The following HDAC4 variants were observed in gnomAD, a reference collection of about 807,000 sequenced individuals.
HDAC4 encodes the protein histone deacetylase A.
A neutral mutation model predicts 135.1 loss-of-function variants in HDAC4; 16 were observed. The ratio of observed to expected loss-of-function variants is 0.12; its 90% CI spans 0.08 to 0.18. The LOEUF (loss-of-function observed/expected upper bound fraction) is 0.18, where lower values mean the gene tolerates loss of function less well. HDAC4 is among the 10% of genes least tolerant of loss of function. HDAC4 has a pLI of 1.00. For missense variants in HDAC4, 1,143 were observed against 1,511.8 expected (o/e 0.76, Z 4.05); for synonymous variants, 685 against 653.4 (o/e 1.05, Z -0.74).
chr2:239,049,490 T>C lies in HDAC4; in HGVS notation c.*3607A>G, dbSNP rs1172132554. 6.6e-6 allele frequency: 1 copy of C among 151,842 alleles called. No homozygotes were observed. Among genetic ancestry groups the C allele is most frequent in the African/African-American group, 2.4e-5 (1 of 41,392 alleles). 9.4% of individuals were successfully genotyped at this position (151,842 alleles called of 1,614,324 possible). On this transcript the variant is annotated 3_prime_UTR_variant, in exon 27 of 27. Transcript: ENST00000543185. The stretch of plus-strand genomic sequence containing the variant: ...ATATATATTTATATCTATATATTTA[T>C]ATATGTATCAATGCCCATAAAACAC...
At chr2:239,168,242 G>A (rs1280415603) in intron 5 of HDAC4, among the ~76,000 whole-genome samples, 3 of 152,196 alleles carry the variant, frequency 2.0e-5, no homozygotes, top group Non-Finnish European at 4.4e-5. Flanking sequence ...GCAGGGCTGC[G>A]CGTGTGGACC....
intron 12 of HDAC4, among the ~76,000 whole-genome samples, chr2:239,126,007 G>A (rs775540803): frequency 1.3e-5 from 2 of 152,226 alleles, no homozygotes; most frequent in Admixed American, 1.3e-4. Flanking sequence ...CCTGGGAGAT[G>A]GGCACTGTGG....
chr2:239,128,921 G>T (rs546161674), intron 11 of HDAC4, among the ~76,000 whole-genome samples: 1 of 152,184 alleles, frequency 6.6e-6, no homozygotes, highest in East Asian at 1.9e-4. Context: ...GCTACACAGC[G>T]CTCCCAGGCT....
intron 2 of HDAC4, among the ~76,000 whole-genome samples, chr2:239,314,957 T>C (rs1408037337): frequency 6.6e-6 from 1 of 152,180 alleles, no homozygotes; most frequent in East Asian, 1.9e-4. Flanking sequence ...TTGGAATTGC[T>C]GATAGAACAG....
At chr2:239,321,987 G>A (rs2898824) in intron 2 of HDAC4, among the ~76,000 whole-genome samples, 83,611 of 152,116 alleles carry the variant, frequency 0.55, 23,349 homozygotes, top group African/African-American at 0.64. Flanking sequence ...TGTTTAAGCG[G>A]AAGTACACTC....
rs1448868842 is a variant in HDAC4 at position 239,245,148 on chromosome 2, G to C, written c.23-8484C>G. Among the ~76,000 whole-genome samples the C allele has an allele frequency of 2.6e-5, 4 of 152,162 alleles. No homozygotes were observed. Among genetic ancestry groups the C allele is most frequent in the African/African-American group, 9.7e-5 (4 of 41,440 alleles). On this transcript the variant is annotated intron_variant, in intron 2 of 26. Transcript: ENST00000543185. This position sits in a 1 kb window ranked among gnomAD's most constrained non-coding sequence, Gnocchi z 4.4. ...TCCCTAAGCAATATTTTTCCTTCAG[G>C]GTAATCAGGCAGTCTTAAAATGTCA...
rs547834188 is a variant in HDAC4, at chr2:239,276,220, A to G, written c.23-39556T>C. ...GTTAGAGCAGCTGCACCAGTCTTACAGAGGCAGGGAGAGGCCCCGAACCAG... is the reference window on the plus strand; with the variant it reads ...GTTAGAGCAGCTGCACCAGTCTTACGGAGGCAGGGAGAGGCCCCGAACCAG... On this transcript the variant is annotated intron_variant, in intron 2 of 26. Coordinates refer to ENST00000543185, the MANE Select transcript of HDAC4 (RefSeq NM_001378414.1). Among the ~76,000 whole-genome samples, 14 of 152,368 alleles carry G rather than the reference A, an allele frequency of 9.2e-5. No homozygotes were observed. In the South Asian group the frequency reaches 2.9e-3, roughly 32 times the overall value.
intron 2 of HDAC4, among the ~76,000 whole-genome samples, chr2:239,278,108 G>A (rs1340954177): frequency 7.3e-6 from 1 of 137,508 alleles, no homozygotes; most frequent in Non-Finnish European, 1.6e-5. Context: ...GGCTCAGGGT[G>A]TCTTGAGAAA....
At chr2:239,193,903 T>C (rs894869127) in intron 3 of HDAC4, among the ~76,000 whole-genome samples, 1 of 152,236 alleles carries the variant, frequency 6.6e-6, no homozygotes, top group East Asian at 1.9e-4. Context: ...GACACTAACA[T>C]GATCTTGATG....
rs1386393854 is a variant in HDAC4 at position 239,363,418 on chromosome 2, G to A, written c.-219-10500C>T. On this transcript the variant is annotated intron_variant, in intron 1 of 26. Transcript: ENST00000543185. ...AACTTGTGTAATTAAAGTAAACCAA[G>A]GAGAATATGCTAGAATGAGACCAAC... Among the ~76,000 whole-genome samples the A allele has an allele frequency of 3.9e-5, 6 of 152,330 alleles. No individual in the cohort carries two copies. The East Asian group carries it at 1.2e-3, about 29-fold the overall frequency.
At chr2:239,163,281 G>C (rs1263532474) in intron 6 of HDAC4, among the ~76,000 whole-genome samples, 2 of 152,218 alleles carry the variant, frequency 1.3e-5, no homozygotes, top group African/African-American at 2.4e-5. Flanking sequence ...TCGGAGCACA[G>C]AGGATTCAGA....
rs1035861583 is a variant in HDAC4, at chr2:239,331,569, C to T, written c.22+21109G>A. Among the ~76,000 whole-genome samples, 6 of 152,082 alleles carry T rather than the reference C, an allele frequency of 3.9e-5. No individual in the cohort carries two copies. Among genetic ancestry groups the T allele is most frequent in the Non-Finnish European group, 8.8e-5 (6 of 68,028 alleles). On this transcript the variant is annotated intron_variant, in intron 2 of 26. Coordinates refer to ENST00000543185, the MANE Select transcript of HDAC4 (RefSeq NM_001378414.1). This position sits in a 1 kb window ranked among gnomAD's most constrained non-coding sequence, Gnocchi z 4.5. Reference sequence around the variant, plus strand: ...TAAGCCGCCCAGATAGTGAGTTCTACGGGGGAAGCCTTCAGGAAGCACACA... The same window carrying T: ...TAAGCCGCCCAGATAGTGAGTTCTATGGGGGAAGCCTTCAGGAAGCACACA...
intron 3 of HDAC4, among the ~76,000 whole-genome samples, chr2:239,191,737 C>T (rs1219298294): frequency 6.6e-6 from 1 of 152,196 alleles, no homozygotes; most frequent in Non-Finnish European, 1.5e-5. Flanking sequence ...TCCCCTGCCC[C>T]ACCGCAGTCA....
intron 3 of HDAC4, among the ~76,000 whole-genome samples, chr2:239,225,004 T>G (rs1389478901): frequency 6.6e-6 from 1 of 152,120 alleles, no homozygotes; most frequent in Non-Finnish European, 1.5e-5. Flanking sequence ...CTCAGTAAAA[T>G]TCAACAGCTG....
Position 239,068,742 on chromosome 2 carries a change from C to T in HDAC4, c.2751-135G>A, listed in dbSNP as rs1430628805. The T allele has an allele frequency of 3.8e-6, 3 of 781,302 alleles. No individual in the cohort carries two copies. The highest frequency in any genetic ancestry group is 6.9e-6 in the Non-Finnish European group (3 of 437,758). The allele number at this position is 781,302 out of a possible 1,614,324, so 48.4% of individuals were successfully genotyped here. ...GGCCACTGGCGGGCTGAGGGCTCCA[C>T]ACAGCAGGCTGGAATCTGGCGACCA... On this transcript the variant is annotated intron_variant, in intron 22 of 26. Coordinates refer to ENST00000543185, the MANE Select transcript of HDAC4 (RefSeq NM_001378414.1). This position sits in a 1 kb window ranked among gnomAD's most constrained non-coding sequence, Gnocchi z 4.4.
At chr2:239,275,049 T>C (rs1236892420) in intron 2 of HDAC4, among the ~76,000 whole-genome samples, 1 of 152,256 alleles carries the variant, frequency 6.6e-6, no homozygotes, top group Non-Finnish European at 1.5e-5. Context: ...GCTGCGAATA[T>C]GTGCCCCTGG....
chr2:239,088,958 G>C (rs578089678), intron 18 of HDAC4, among the ~76,000 whole-genome samples: 4 of 152,210 alleles, frequency 2.6e-5, no homozygotes, highest in African/African-American at 9.6e-5. Context: ...GTTTCCAAAT[G>C]ACCAACGCAC....
intron 1 of HDAC4, among the ~76,000 whole-genome samples, chr2:239,397,660 C>A (rs767535161): frequency 3.9e-5 from 6 of 152,174 alleles, no homozygotes; most frequent in Non-Finnish European, 7.3e-5. Flanking sequence ...GGCCCTCATG[C>A]CACCCCAAAA....
intron 13 of HDAC4, among the ~76,000 whole-genome samples, chr2:239,112,575 G>C (rs2038776477): frequency 6.6e-6 from 1 of 152,148 alleles, no homozygotes; most frequent in African/African-American, 2.4e-5. Flanking sequence ...ACTCAGCCAG[G>C]GGCCTGGGAC....
Sources: gnomAD v4.1 joint callset for allele counts (sites outside exome capture counted in the v4.1 genomes callset) on GRCh38, gnomAD v4.1.1 for gene constraint, Gnocchi (gnomAD v3.1) non-coding constraint, MANE v1.5 for transcripts, NCBI Gene and HGNC (gene_info 2026-07-23, HGNC 2026-07-21) for gene names.